The following TULP4 variants were observed in gnomAD, a reference collection of about 807,000 sequenced individuals.
The protein encoded by TULP4 is tubby-related protein 4.
In TULP4, 16 loss-of-function variants were observed where a neutral mutation model predicts 129.0. The observed-to-expected ratio is 0.12, with a 90% CI of 0.08 to 0.19. The LOEUF (loss-of-function observed/expected upper bound fraction) is 0.19, where lower values mean the gene tolerates loss of function less well. TULP4 is among the 10% of genes least tolerant of loss of function. TULP4 has a pLI of 1.00. For synonymous variants in TULP4, 998 were observed against 854.0 expected (o/e 1.17, Z -2.94); for missense variants, 1,842 against 2,059.1 (o/e 0.89, Z 2.04).
At chr6:158,256,311 G>GTA (rs1442534484) in intron 1 of TULP4, among the ~76,000 whole-genome samples, 3 of 152,158 alleles carry the variant, frequency 2.0e-5, no homozygotes, top group African/African-American at 4.8e-5. Flanking sequence ...CTGTATGTAT[G>GTA]TATATATATA....
chr6:158,239,082 C>T (rs1221767185), intron 1 of TULP4, among the ~76,000 whole-genome samples: 41 of 109,938 alleles, frequency 3.7e-4, no homozygotes, highest in African/African-American at 9.1e-4. Flanking sequence ...CCCTCCCGGA[C>T]GGGGCGGCTG....
At chr6:158,293,640 A>G (rs1009907311) in intron 1 of TULP4, among the ~76,000 whole-genome samples, 4 of 152,254 alleles carry the variant, frequency 2.6e-5, no homozygotes, top group African/African-American at 7.2e-5. Flanking sequence ...TGAATAAGAC[A>G]GAATTCTATA....
intron 1 of TULP4, among the ~76,000 whole-genome samples, chr6:158,349,309 C>A (rs1313938735): frequency 8.2e-6 from 1 of 121,704 alleles, no homozygotes; most frequent in East Asian, 2.5e-4. Flanking sequence ...CAGAGGTGCT[C>A]CCTCACATCC....
At chr6:158,378,484 T>TTTG (rs1232571783) in intron 1 of TULP4, among the ~76,000 whole-genome samples, 16 of 129,298 alleles carry the variant, frequency 1.2e-4, no homozygotes, top group Non-Finnish European at 1.5e-4. Context: ...TTTTTTTTTT[T>TTTG]TGGTGGGGGT....
In TULP4 at chr6:158,313,929, C is replaced by A; in HGVS notation, c.-88C>A. The A allele has an allele frequency of 6.7e-7, 1 of 1,502,424 alleles. No individual in the cohort carries two copies. The highest frequency in any genetic ancestry group is 8.9e-7 in the Non-Finnish European group (1 of 1,121,074). The allele number at this position is 1,502,424 out of a possible 1,614,324, so 93.1% of individuals were successfully genotyped here. ...GGAAAAAAGCAACGCAAGCCAACCACAAAAACACATATACCAATGAAAGAA... is the reference window on the plus strand; with the variant it reads ...GGAAAAAAGCAACGCAAGCCAACCAAAAAAACACATATACCAATGAAAGAA... On this transcript the variant is annotated 5_prime_UTR_variant, in exon 1 of 14. Coordinates refer to ENST00000367097, the MANE Select transcript of TULP4 (RefSeq NM_020245.5).
intron 3 of TULP4, among the ~76,000 whole-genome samples, chr6:158,433,860 G>A (rs1484214584): frequency 6.6e-6 from 1 of 152,232 alleles, no homozygotes; most frequent in African/African-American, 2.4e-5. Flanking sequence ...TTTAGTGGGT[G>A]AGGACTCTGT....
upstream of TULP4, among the ~76,000 whole-genome samples, chr6:158,279,268 C>T (rs1413585437): frequency 6.6e-6 from 1 of 152,074 alleles, no homozygotes; most frequent in Non-Finnish European, 1.5e-5. Context: ...AAATGTAGAA[C>T]AATAAGTAGA....
intron 1 of TULP4, among the ~76,000 whole-genome samples, chr6:158,334,471 TA>T (rs1779986896): frequency 6.6e-6 from 1 of 152,214 alleles, no homozygotes; most frequent in Non-Finnish European, 1.5e-5. Flanking sequence ...TAAAACAAAA[TA>T]CATGTTAATT....
At chr6:158,343,798 A>G (rs550798697) in intron 1 of TULP4, among the ~76,000 whole-genome samples, 2 of 152,356 alleles carry the variant, frequency 1.3e-5, no homozygotes, top group East Asian at 1.9e-4. Flanking sequence ...TAAAAAATCT[A>G]TTGGGACAAA....
In TULP4 at chr6:158,413,499, G is replaced by A. The variant is rs904609355; in HGVS notation, c.381+306G>A. Among the ~76,000 whole-genome samples the A allele has an allele frequency of 6.6e-6, 1 of 152,036 alleles. No individual in the cohort carries two copies. The highest frequency in any genetic ancestry group is 1.5e-5 in the Non-Finnish European group (1 of 68,008). Reference sequence around the variant, plus strand: ...GTGTTGTGATTCCATGTTAAATTTGGGGCCTCTGGCATATCACTGTTTTGC... The same window carrying A: ...GTGTTGTGATTCCATGTTAAATTTGAGGCCTCTGGCATATCACTGTTTTGC... On this transcript the variant is annotated intron_variant, in intron 2 of 13. Transcript: ENST00000367097. The surrounding 1 kb of genome is among the most constrained non-coding windows in gnomAD (Gnocchi z 4.9).
intron 1 of TULP4, among the ~76,000 whole-genome samples, chr6:158,330,894 GT>G (rs971002169): frequency 6.6e-6 from 1 of 151,984 alleles, no homozygotes; most frequent in Non-Finnish European, 1.5e-5. Flanking sequence ...GGTATTTTGT[GT>G]TTTTTTCCCT....
At chr6:158,289,001 T>A (rs1009424208) in intron 1 of TULP4, among the ~76,000 whole-genome samples, 1 of 152,262 alleles carries the variant, frequency 6.6e-6, no homozygotes, top group East Asian at 1.9e-4. Context: ...GTAATACTGC[T>A]GTAGGCTATT....
At chr6:158,237,761 C>T in intron 1 of TULP4, 1 of 799,418 alleles carries the variant, frequency 1.3e-6, no homozygotes, top group Non-Finnish European at 2.3e-6. Context: ...ATGTATGTAG[C>T]ACCAGGAGAA....
chr6:158,363,163 T>C (rs1256697408), intron 1 of TULP4, among the ~76,000 whole-genome samples: 1 of 152,144 alleles, frequency 6.6e-6, no homozygotes, highest in Non-Finnish European at 1.5e-5. Flanking sequence ...TTATTCCCTG[T>C]TCTATCACAT....
chr6:158,333,114 C>A (rs1779949828), intron 1 of TULP4, among the ~76,000 whole-genome samples: 1 of 152,128 alleles, frequency 6.6e-6, no homozygotes, highest in Non-Finnish European at 1.5e-5. Flanking sequence ...TTCAGGTTTA[C>A]TACACCTGTA....
At chr6:158,306,730 A>C (rs1779221765) in intron 1 of TULP4, among the ~76,000 whole-genome samples, 1 of 152,216 alleles carries the variant, frequency 6.6e-6, no homozygotes, top group African/African-American at 2.4e-5. Context: ...ATTAGAAATT[A>C]AAACTGGCTG....
At chr6:158,401,360 C>T (rs1420567685) in intron 1 of TULP4, among the ~76,000 whole-genome samples, 1 of 152,180 alleles carries the variant, frequency 6.6e-6, no homozygotes, top group African/African-American at 2.4e-5. Context: ...AGGCATGAGC[C>T]ACCGCACCTG....
At chr6:158,327,128 A>T (rs1245903912) in intron 1 of TULP4, among the ~76,000 whole-genome samples, 3 of 37,878 alleles carry the variant, frequency 7.9e-5, no homozygotes, top group South Asian at 1.7e-3. Context: ...TGTTGTAAGG[A>T]TTCAGTGGTT....
At chr6:158,335,049 G>A (rs1472254334) in intron 1 of TULP4, among the ~76,000 whole-genome samples, 1 of 152,080 alleles carries the variant, frequency 6.6e-6, no homozygotes, top group Non-Finnish European at 1.5e-5. Flanking sequence ...AGGTTGAGGC[G>A]GGCGGATCAC....
Sources: gnomAD v4.1 joint callset for allele counts (sites outside exome capture counted in the v4.1 genomes callset) on GRCh38, gnomAD v4.1.1 for gene constraint, Gnocchi (gnomAD v3.1) non-coding constraint, MANE v1.5 for transcripts, NCBI Gene and HGNC (gene_info 2026-07-23, HGNC 2026-07-21) for gene names.